The following RIC1 variants were observed in gnomAD, a reference collection of about 807,000 sequenced individuals.
The protein encoded by RIC1 is guanine nucleotide exchange factor subunit RIC1.
Under a neutral mutation model 169.0 loss-of-function variants are expected in RIC1, and 88 were observed. The ratio of observed to expected loss-of-function variants is 0.52; its 90% confidence interval spans 0.44 to 0.62. The LOEUF (loss-of-function observed/expected upper bound fraction) is 0.62, where lower values mean the gene tolerates loss of function less well. Among genes scored for constraint, RIC1 ranks in the 20% least tolerant of loss-of-function variants. The probability of loss-of-function intolerance (pLI) is 0.00; values close to 1 mark genes in which losing one functional copy is unlikely to be tolerated. For missense variants in RIC1, 1,877 were observed against 1,725.5 expected (o/e 1.09, Z -1.56); for synonymous variants, 790 against 601.5 (o/e 1.31, Z -4.59).
intron 2 of RIC1, among the ~76,000 whole-genome samples, chr9:5,673,115 A>G (rs1226714602): frequency 6.6e-6 from 1 of 152,186 alleles, no homozygotes; most frequent in African/African-American, 2.4e-5. Context: ...AAGTTTAGAC[A>G]AGAAAATGAA....
chr9:5,758,764 G>A (rs1289138783), intron 17 of RIC1, among the ~76,000 whole-genome samples: 2 of 11,144 alleles, frequency 1.8e-4, no homozygotes, highest in Non-Finnish European at 4.0e-4. Context: ...TTTTTTTTTT[G>A]AGATGGAGTC....
At chr9:5,642,582 T>G (rs1444458884) in intron 1 of RIC1, among the ~76,000 whole-genome samples, 1 of 144,810 alleles carries the variant, frequency 6.9e-6, no homozygotes, top group African/African-American at 2.8e-5. Context: ...TGTTCTGTTG[T>G]GGCTAAGCAG....
chr9:5,772,824 T>G (rs1827314145), intron 24 of RIC1, 68 bp from the exon 25 acceptor site: 2 of 1,549,270 alleles, frequency 1.3e-6, no homozygotes, highest in Non-Finnish European at 1.8e-6. Flanking sequence ...CTCCTAATAA[T>G]CATTGCACTT....
At chr9:5,751,289 C>G (rs374127903) in intron 12 of RIC1, among the ~76,000 whole-genome samples, 1 of 151,822 alleles carries the variant, frequency 6.6e-6, no homozygotes, top group East Asian at 1.9e-4. Flanking sequence ...TTTTATTTCA[C>G]CACCCAATCA....
At chr9:5,742,218 A>T (rs1025748526) in intron 8 of RIC1, among the ~76,000 whole-genome samples, 2 of 152,040 alleles carry the variant, frequency 1.3e-5, no homozygotes, top group Non-Finnish European at 2.9e-5. Context: ...CTTTTGTTAG[A>T]TTACCTGTCT....
intron 15 of RIC1, 113 bp downstream of exon 15, chr9:5,755,043 T>C: frequency 1.6e-6 from 1 of 607,574 alleles, no homozygotes. Flanking sequence ...TTTTATTTTT[T>C]AATCAAGAAT....
intron 1 of RIC1, among the ~76,000 whole-genome samples, chr9:5,642,158 T>A (rs1014727958): frequency 6.9e-6 from 1 of 145,168 alleles, no homozygotes; most frequent in Non-Finnish European, 1.5e-5. Context: ...GCCTTGGTGG[T>A]CTTGGATAAA....
intron 1 of RIC1, among the ~76,000 whole-genome samples, chr9:5,635,116 T>A (rs1817908540): frequency 6.6e-6 from 1 of 152,078 alleles, no homozygotes; most frequent in South Asian, 2.1e-4. Flanking sequence ...GCATCCTGAG[T>A]AGCTGGGAGT....
chr9:5,635,886 C>A (rs1817949537), intron 1 of RIC1, among the ~76,000 whole-genome samples: 1 of 152,190 alleles, frequency 6.6e-6, no homozygotes, highest in South Asian at 2.1e-4. Context: ...GAGGCCTCAC[C>A]AGCCATTATG....
At position 5,774,084 on chromosome 9, in the gene RIC1, T is replaced by C; in HGVS notation, c.4110T>C (p.Thr1370=). Residue 1370 remains threonine, a synonymous_variant, in exon 26 of 26, where the codon ACT becomes ACC. Transcript: ENST00000414202. ...CTATGGGTAAGACTCCAGAACAGAC[T>C]AGCCCCCGGGCAGAGGAGAGCAGGG... ...PITMGKTPEQ[T]SPRAEESRGS... is the part of the protein sequence containing the mutation. 2 of 1,614,066 alleles carry C rather than the reference T, an allele frequency of 1.2e-6. No individual in the cohort carries two copies. The highest frequency in any genetic ancestry group is 1.7e-6 in the Non-Finnish European group (2 of 1,180,006).
At chr9:5,738,656 G>C in intron 8 of RIC1, 118 bp downstream of exon 8, 7 of 531,090 alleles carry the variant, frequency 1.3e-5, no homozygotes, top group East Asian at 3.3e-5. Context: ...AAATATTGGG[G>C]CTCTGGGTGT....
chr9:5,756,500 A>AT, intron 16 of RIC1, 128 bp downstream of exon 16: 1 of 564,102 alleles, frequency 1.8e-6, no homozygotes, highest in Non-Finnish European at 2.8e-6. Context: ...GAGGTAAAAA[A>AT]AGCAAGGAGT....
At chr9:5,678,830 C>T (rs1351401101) in intron 2 of RIC1, among the ~76,000 whole-genome samples, 7 of 152,144 alleles carry the variant, frequency 4.6e-5, no homozygotes, top group South Asian at 2.1e-4. Context: ...TTTTGCTGTG[C>T]AGAAGCTCTT....
chr9:5,719,887 C>G (rs756338317), intron 4 of RIC1, among the ~76,000 whole-genome samples: 3 of 152,148 alleles, frequency 2.0e-5, no homozygotes, highest in Non-Finnish European at 2.9e-5. Flanking sequence ...CTTTTTCTTT[C>G]TTTCTGCTAT....
At chr9:5,680,340 G>A (rs149784306) in intron 2 of RIC1, among the ~76,000 whole-genome samples, 3,263 of 152,226 alleles carry the variant, frequency 0.021, 118 homozygotes, top group African/African-American at 0.075. Context: ...TGATATCAGG[G>A]TGATGCTGGC....
At chr9:5,746,730 A>G (rs1825400874) in intron 11 of RIC1, among the ~76,000 whole-genome samples, 1 of 152,198 alleles carries the variant, frequency 6.6e-6, no homozygotes, top group South Asian at 2.1e-4. Flanking sequence ...ATATACAGTA[A>G]TGGTATATGT....
chr9:5,707,810 G>A (rs999304887), intron 3 of RIC1, among the ~76,000 whole-genome samples: 2 of 151,968 alleles, frequency 1.3e-5, no homozygotes, highest in African/African-American at 4.8e-5. Flanking sequence ...GACTCATTTG[G>A]TTTATTCGAA....
chr9:5,693,047 C>G (rs529880831), intron 3 of RIC1, among the ~76,000 whole-genome samples: 4 of 152,154 alleles, frequency 2.6e-5, no homozygotes, highest in Admixed American at 6.5e-5. Context: ...TGTCTCAACC[C>G]TGTTTATGCT....
At chr9:5,670,096 T>A (rs1229101654) in intron 2 of RIC1, among the ~76,000 whole-genome samples, 1 of 152,232 alleles carries the variant, frequency 6.6e-6, no homozygotes, top group East Asian at 1.9e-4. Context: ...CCTGTGCATC[T>A]CACAAATACA....
Sources: gnomAD v4.1 joint callset for allele counts (sites outside exome capture counted in the v4.1 genomes callset) on GRCh38, gnomAD v4.1.1 for gene constraint, MANE v1.5 for transcripts, NCBI Gene and HGNC (gene_info 2026-07-23, HGNC 2026-07-21) for gene names.